Variants in BCAR3 observed in about 807,000 individuals in gnomAD.
BCAR3 encodes BCAR3 adaptor protein, NSP family member.
A neutral mutation model predicts 80.1 loss-of-function variants in BCAR3; 37 were observed. That is an observed-to-expected ratio of 0.46 (90% CI 0.36 to 0.61). The LOEUF is 0.61. Ranked by LOEUF, BCAR3 falls within the 20% of genes least tolerant of loss-of-function variation. BCAR3 has a pLI of 0.00. For synonymous variants in BCAR3, 389 were observed against 418.9 expected (o/e 0.93, Z 0.87); for missense variants, 978 against 1,068.2 (o/e 0.92, Z 1.18).
At chr1:93,734,130 G>A (rs1007899379) in intron 2 of BCAR3, among the ~76,000 whole-genome samples, 1 of 152,200 alleles carries the variant, frequency 6.6e-6, no homozygotes, top group African/African-American at 2.4e-5. Flanking sequence ...TGGAGTTCCA[G>A]GTGTCTTATG....
At chr1:93,757,150 G>A (rs1412704308) in intron 2 of BCAR3, among the ~76,000 whole-genome samples, 1 of 152,276 alleles carries the variant, frequency 6.6e-6, no homozygotes, top group Middle Eastern at 3.4e-3. Flanking sequence ...CCATGTTGAG[G>A]TGCAAAGAGG....
At chr1:93,762,817 T>C (rs537763563) in intron 2 of BCAR3, among the ~76,000 whole-genome samples, 3 of 152,080 alleles carry the variant, frequency 2.0e-5, no homozygotes, top group South Asian at 4.2e-4. Context: ...TCTCTCTCTC[T>C]CCCTCCTGAA....
chr1:93,614,837 G>A (rs1480581734), intron 3 of BCAR3, among the ~76,000 whole-genome samples: 7 of 151,850 alleles, frequency 4.6e-5, no homozygotes, highest in South Asian at 4.2e-4. Flanking sequence ...CCCACTTTGC[G>A]TAACCTAGAT....
At chr1:93,817,358 G>A (rs1654056317) in intron 2 of BCAR3, among the ~76,000 whole-genome samples, 1 of 152,204 alleles carries the variant, frequency 6.6e-6, no homozygotes, top group Non-Finnish European at 1.5e-5. Context: ...TTCCCAGTGG[G>A]TCACTTCCAT....
chr1:93,679,004 T>A (rs752429810), intron 1 of BCAR3, among the ~76,000 whole-genome samples: 1 of 152,180 alleles, frequency 6.6e-6, no homozygotes, highest in Non-Finnish European at 1.5e-5. Context: ...TTTGATTTTT[T>A]AAAAATAAAA....
chr1:93,843,220 T>A (rs1205959050), intron 2 of BCAR3, among the ~76,000 whole-genome samples: 1 of 152,224 alleles, frequency 6.6e-6, no homozygotes, highest in Non-Finnish European at 1.5e-5. Flanking sequence ...CTAAGTGTTC[T>A]GTTCGGTAAC....
chr1:93,584,324 T>C (rs1303320338), intron 5 of BCAR3, among the ~76,000 whole-genome samples: 1 of 152,222 alleles, frequency 6.6e-6, no homozygotes, highest in African/African-American at 2.4e-5. Flanking sequence ...CTGTGTTGTG[T>C]ACTCCATCCC....
chr1:93,801,845 C>T (rs1047829274), intron 2 of BCAR3, among the ~76,000 whole-genome samples: 3 of 152,226 alleles, frequency 2.0e-5, no homozygotes, highest in African/African-American at 4.8e-5. Context: ...ATTGGCCAGG[C>T]GCAGTGGCTC....
At chr1:93,677,409 C>A (rs1648536841) in intron 1 of BCAR3, among the ~76,000 whole-genome samples, 1 of 152,090 alleles carries the variant, frequency 6.6e-6, no homozygotes, top group Non-Finnish European at 1.5e-5. Flanking sequence ...GAAGGCCCTG[C>A]CAAGGTGTCT....
chr1:93,708,872 G>A (rs1013382050), intron 2 of BCAR3, among the ~76,000 whole-genome samples: 1 of 152,148 alleles, frequency 6.6e-6, no homozygotes, highest in Non-Finnish European at 1.5e-5. Flanking sequence ...AGGTTGGCAG[G>A]CTGTTTTATT....
Position 93,674,688 on chromosome 1 carries a change from C to G in BCAR3, c.243G>C (p.Gln81His). 6.2e-7 allele frequency: 1 copy of G among 1,614,086 alleles called. No homozygotes were observed. The highest frequency in any genetic ancestry group is 8.5e-7 in the Non-Finnish European group (1 of 1,179,998). The change falls in exon 2 of 12, where the codon CAG (glutamine) becomes CAC (histidine). Residue 81 changes from glutamine (Q) to histidine (H), a missense_variant. By Grantham distance (24) the Gln-to-His change is conservative (BLOSUM62 0). Transcript: ENST00000260502. Reference protein sequence around the residue: ...GTLPHSKSPRQNSPVTQDGIQ... With the variant: ...GTLPHSKSPRHNSPVTQDGIQ... ...TGCCATCCTGGGTCACAGGCGAGTTCTGCCGTGGGGATTTGGAGTGGGGGA... is the reference window on the plus strand; with the variant it reads ...TGCCATCCTGGGTCACAGGCGAGTTGTGCCGTGGGGATTTGGAGTGGGGGA...
intron 2 of BCAR3, among the ~76,000 whole-genome samples, chr1:93,818,411 C>T (rs1054881632): frequency 1.3e-5 from 2 of 152,162 alleles, no homozygotes; most frequent in Non-Finnish European, 2.9e-5. Context: ...ATGCCTACCA[C>T]GCAAGTCCCC....
intron 2 of BCAR3, among the ~76,000 whole-genome samples, chr1:93,784,677 T>C (rs1250536500): frequency 6.6e-6 from 1 of 152,222 alleles, no homozygotes; most frequent in Non-Finnish European, 1.5e-5. Flanking sequence ...TCTTGCTTGT[T>C]TAATCAACAC....
At chr1:93,751,531 C>T (rs1048423898) in intron 2 of BCAR3, among the ~76,000 whole-genome samples, 1 of 152,198 alleles carries the variant, frequency 6.6e-6, no homozygotes. Context: ...ATGCCTCGGG[C>T]TCAAACAGCC....
intron 3 of BCAR3, among the ~76,000 whole-genome samples, chr1:93,687,439 C>G (rs1195954956): frequency 1.3e-5 from 2 of 152,194 alleles, no homozygotes; most frequent in Non-Finnish European, 2.9e-5. Context: ...TCCCAAGTAG[C>G]TGGGACTACA....
intron 2 of BCAR3, among the ~76,000 whole-genome samples, chr1:93,717,037 G>A (rs1403422349): frequency 6.6e-6 from 1 of 152,200 alleles, no homozygotes; most frequent in Non-Finnish European, 1.5e-5. Flanking sequence ...TGAACAGAAC[G>A]CAGAGGTTAC....
intron 7 of BCAR3, among the ~76,000 whole-genome samples, chr1:93,577,777 C>G (rs928884774): frequency 4.6e-5 from 7 of 152,198 alleles, no homozygotes; most frequent in African/African-American, 1.7e-4. Context: ...GGGGTGTCCC[C>G]CACGCTCTGG....
In BCAR3 at chr1:93,642,145, C is replaced by A. The variant is rs935442361; in HGVS notation, c.357+159G>T. On this transcript the variant is annotated intron_variant, in intron 3 of 11. Coordinates refer to ENST00000260502, the MANE Select transcript of BCAR3 (RefSeq NM_003567.4). ...TGACGTGAGACCCCTACAAAATTTACCAAAGGCCTAAGGGAGTCAAATTTC... is the reference window on the plus strand; with the variant it reads ...TGACGTGAGACCCCTACAAAATTTAACAAAGGCCTAAGGGAGTCAAATTTC... 5.3e-5 allele frequency among the ~76,000 whole-genome samples: 8 copies of A among 152,266 alleles called. No individual in the cohort carries two copies. The East Asian group carries it at 1.3e-3, about 26-fold the overall frequency.
intron 2 of BCAR3, among the ~76,000 whole-genome samples, chr1:93,663,550 A>C (rs543400080): frequency 6.6e-6 from 1 of 152,320 alleles, no homozygotes; most frequent in East Asian, 1.9e-4. Context: ...CAGTGGAGCA[A>C]TACAAAGGGC....
Sources: allele counts gnomAD v4.1 joint callset (sites outside exome capture counted in the v4.1 genomes callset), GRCh38; gene constraint gnomAD v4.1.1; transcripts MANE v1.5; gene names NCBI Gene and HGNC (gene_info 2026-07-23, HGNC 2026-07-21).